The following IGSF11 variants were observed in gnomAD, a reference collection of about 807,000 sequenced individuals.
IGSF11 encodes immunoglobulin superfamily member 11.
A neutral mutation model predicts 41.0 loss-of-function variants in IGSF11; 22 were observed. The observed-to-expected ratio is 0.54, with a 90% CI of 0.38 to 0.77. IGSF11 has a LOEUF of 0.77. Ranked by LOEUF, IGSF11 falls within the 30% of genes least tolerant of loss-of-function variation. The probability of loss-of-function intolerance (pLI) is 0.00; values close to 1 mark genes in which losing one functional copy is unlikely to be tolerated. For synonymous variants in IGSF11, 219 were observed against 201.3 expected (o/e 1.09, Z -0.74); for missense variants, 444 against 530.8 (o/e 0.84, Z 1.61).
intron 1 of IGSF11, among the ~76,000 whole-genome samples, chr3:118,985,219 T>C (rs1333793214): frequency 1.3e-5 from 2 of 152,286 alleles, no homozygotes; most frequent in Non-Finnish European, 1.5e-5. Flanking sequence ...TTCAAAGCTA[T>C]ATCTCAAATC....
rs200774982 is a variant in IGSF11 at position 119,087,373 on chromosome 3, TACACAC to T, written c.49+17765_49+17770del. The stretch of plus-strand genomic sequence containing the variant: ...CAACAAGTGAATAAAGAAAATGTTA[TACACAC>T]ACACACACACACACACACACACATA... On this transcript the variant is annotated intron_variant, in intron 1 of 6. Coordinates refer to the IGSF11 transcript ENST00000354673. Among the ~76,000 whole-genome samples the T allele has an allele frequency of 3.7e-3, 547 of 147,480 alleles. 1 individual carries two copies. Among genetic ancestry groups the T allele is most frequent in the African/African-American group, 0.01 (416 of 39,962 alleles).
At chr3:118,959,039 TAC>T (rs1289791801) in intron 1 of IGSF11, among the ~76,000 whole-genome samples, 1 of 152,174 alleles carries the variant, frequency 6.6e-6, no homozygotes, top group Non-Finnish European at 1.5e-5. Context: ...ACCTACAAAA[TAC>T]GTGTAGGGGA....
chr3:118,904,645 A>C lies in IGSF11; in HGVS notation c.854+3T>G. 2 of 1,604,644 alleles carry C rather than the reference A, an allele frequency of 1.2e-6. No homozygotes were observed. Among genetic ancestry groups the C allele is most frequent in the Non-Finnish European group, 1.7e-6 (2 of 1,174,272 alleles). On this transcript the variant is annotated splice_donor_region_variant and intron_variant, in intron 6 of 6. Coordinates refer to ENST00000393775, the MANE Select transcript of IGSF11 (RefSeq NM_001015887.3). ...ACAAATTTTAAAAATCTGACATACA[A>C]ACCTTATTTCATTAGGAATTTCTTC...
intron 1 of IGSF11, among the ~76,000 whole-genome samples, chr3:118,941,325 G>C (rs1461535591): frequency 2.0e-5 from 3 of 152,038 alleles, no homozygotes; most frequent in Non-Finnish European, 1.5e-5. Context: ...GATTTGAACA[G>C]ACACTTCACT....
chr3:119,024,487 T>C (rs1284201736), intron 1 of IGSF11, among the ~76,000 whole-genome samples: 2 of 152,132 alleles, frequency 1.3e-5, no homozygotes, highest in Admixed American at 6.6e-5. Flanking sequence ...ACTAATTCTA[T>C]CCATTTTAGA....
intron 1 of IGSF11, among the ~76,000 whole-genome samples, chr3:119,111,749 TGATGTACAGATGG>T (rs1485659935): frequency 6.6e-6 from 1 of 152,198 alleles, no homozygotes; most frequent in Non-Finnish European, 1.5e-5. Flanking sequence ...TTGATGATGG[TGATGTACAGATGG>T]GTTTTTGGTG....
At chr3:119,051,314 G>A (rs1416566093) in intron 1 of IGSF11, among the ~76,000 whole-genome samples, 1 of 151,942 alleles carries the variant, frequency 6.6e-6, no homozygotes, top group Non-Finnish European at 1.5e-5. Context: ...AAGTAAGCAG[G>A]AGTAGCTGTT....
intron 1 of IGSF11, among the ~76,000 whole-genome samples, chr3:119,065,377 T>A (rs1218071284): frequency 6.6e-6 from 1 of 152,192 alleles, no homozygotes; most frequent in Non-Finnish European, 1.5e-5. Context: ...ATGGGATATG[T>A]TTTTTACATA....
chr3:118,947,886 T>G (rs1393760219), intron 1 of IGSF11: 4 of 152,260 alleles, frequency 2.6e-5, no homozygotes, highest in Non-Finnish European at 5.9e-5. Context: ...CTCCAACTTT[T>G]GTTGGTAAGG....
intron 1 of IGSF11, among the ~76,000 whole-genome samples, chr3:119,122,978 G>A (rs972336858): frequency 1.3e-5 from 2 of 152,202 alleles, no homozygotes; most frequent in African/African-American, 4.8e-5. Context: ...GAAAAGTAAA[G>A]GGGACTTTGG....
intron 1 of IGSF11, among the ~76,000 whole-genome samples, chr3:119,133,794 C>T (rs1237339098): frequency 1.3e-5 from 2 of 152,152 alleles, no homozygotes; most frequent in Non-Finnish European, 2.9e-5. Context: ...ACCAATATCC[C>T]TAATTAACAT....
chr3:119,104,766 T>C (rs2076993936), intron 1 of IGSF11, among the ~76,000 whole-genome samples: 1 of 152,152 alleles, frequency 6.6e-6, no homozygotes, highest in Non-Finnish European at 1.5e-5. Context: ...TCCTTACCCT[T>C]CAGCTTTGGG....
intron 1 of IGSF11, among the ~76,000 whole-genome samples, chr3:119,075,954 T>C (rs1335062012): frequency 6.6e-6 from 1 of 152,090 alleles, no homozygotes; most frequent in Non-Finnish European, 1.5e-5. Flanking sequence ...CATTGACAAG[T>C]CAATCCTAAG....
rs550565247 is a variant in IGSF11 at position 118,999,494 on chromosome 3, T to C, written c.52+35037A>G. On this transcript the variant is annotated intron_variant, in intron 1 of 6. Transcript: ENST00000393775. ...CATCCCAAACCCTTCAGATGTTCCA[T>C]CAATGGTTGAAACAGCAACAACAAT... is the stretch of plus-strand genomic sequence containing the variant. Among the ~76,000 whole-genome samples the C allele has an allele frequency of 7.2e-5, 11 of 152,276 alleles. No homozygotes were observed. The South Asian group carries it at 2.3e-3, about 32-fold the overall frequency.
At chr3:119,089,928 G>A (rs1346052558) in intron 1 of IGSF11, among the ~76,000 whole-genome samples, 9 of 152,180 alleles carry the variant, frequency 5.9e-5, no homozygotes, top group Admixed American at 5.2e-4. Context: ...AGGAGGCTGA[G>A]GCAGGAGAAT....
At chr3:119,109,988 T>C (rs1576811541), upstream of IGSF11, among the ~76,000 whole-genome samples, 4 of 152,308 alleles carry the variant, frequency 2.6e-5, no homozygotes, top group South Asian at 2.1e-4. Flanking sequence ...GTCACATTTG[T>C]TGAGGAGAGC....
At position 119,047,020 on chromosome 3, in the gene IGSF11, C is replaced by T. The variant is rs566447390; in HGVS notation, c.49+58124G>A. On this transcript the variant is annotated intron_variant, in intron 1 of 6. Transcript: ENST00000354673. ...AGCGCTAAACATGGAAAGGAACAAC[C>T]GGTACCAGCCGCTGCAAAATCATGC... Among the ~76,000 whole-genome samples the T allele has an allele frequency of 4.6e-3, 669 of 145,220 alleles. 13 individuals are homozygous for T. Among genetic ancestry groups the T allele is most frequent in the African/African-American group, 0.016 (639 of 39,292 alleles).
intron 1 of IGSF11, among the ~76,000 whole-genome samples, chr3:119,095,175 C>G (rs1210432567): frequency 6.6e-6 from 1 of 152,136 alleles, no homozygotes; most frequent in East Asian, 1.9e-4. Flanking sequence ...TACATACACA[C>G]TTGGGATGGT....
chr3:119,049,487 G>A lies in IGSF11; in HGVS notation c.49+55657C>T, dbSNP rs190901289. Among the ~76,000 whole-genome samples, 272 of 152,226 alleles carry A rather than the reference G, an allele frequency of 1.8e-3. 7 individuals are homozygous for A. Among genetic ancestry groups the A allele is most frequent in the Admixed American group, 0.018 (270 of 15,288 alleles). On this transcript the variant is annotated intron_variant, in intron 1 of 6. Transcript: ENST00000354673. ...AGGAGAACTACAAACCGCTGTTCAA[G>A]GAAATAAAAGAGGATACAAACAAAT...
Sources: allele counts gnomAD v4.1 joint callset (sites outside exome capture counted in the v4.1 genomes callset), GRCh38; gene constraint gnomAD v4.1.1; transcripts MANE v1.5; gene names NCBI Gene and HGNC (gene_info 2026-07-23, HGNC 2026-07-21).